TTC1: variants seen among roughly 807,000 people sequenced by gnomAD.
The protein encoded by TTC1 is tetratricopeptide repeat domain 1, also known as tetratricopeptide repeat protein 1.
A neutral mutation model predicts 37.6 loss-of-function variants in TTC1; 31 were observed. That is an observed-to-expected ratio of 0.82 (90% CI 0.62 to 1.11). The LOEUF (loss-of-function observed/expected upper bound fraction) is 1.11. Ranked by LOEUF, TTC1 falls within the 50% of genes most tolerant of loss-of-function variation. The pLI is 0.00. For synonymous variants in TTC1, 127 were observed against 122.4 expected, an observed-to-expected ratio of 1.04 and a Z score of -0.25; for missense variants, 351 against 339.0, an observed-to-expected ratio of 1.04 and a Z score of -0.28.
chr5:160,024,512 A>T (rs1180865330), intron 2 of TTC1, among the ~76,000 whole-genome samples: 3 of 152,032 alleles, frequency 2.0e-5, no homozygotes, highest in Non-Finnish European at 4.4e-5. Flanking sequence ...CAGTTCCTTT[A>T]TCTTTTTTAA....
intron 2 of TTC1, among the ~76,000 whole-genome samples, chr5:160,021,124 C>G (rs959886566): frequency 3.3e-5 from 4 of 121,836 alleles, no homozygotes; most frequent in African/African-American, 1.3e-4. Context: ...TTTATTGTGT[C>G]TAAGCATCAC....
chr5:160,035,889 G>T (rs1350785607), intron 3 of TTC1, among the ~76,000 whole-genome samples: 1 of 150,226 alleles, frequency 6.7e-6, no homozygotes, highest in Non-Finnish European at 1.5e-5. Flanking sequence ...TTATTTTCAG[G>T]TTTTTAATTT....
intron 2 of TTC1, among the ~76,000 whole-genome samples, chr5:160,034,636 T>G (rs1037970199): frequency 2.6e-5 from 4 of 152,198 alleles, no homozygotes; most frequent in Admixed American, 6.5e-5. Context: ...TATGGGCAGC[T>G]TTATGTATAT....
chr5:160,064,727 A>T (rs908840362), intron 7 of TTC1, among the ~76,000 whole-genome samples: 1 of 152,196 alleles, frequency 6.6e-6, no homozygotes, highest in Non-Finnish European at 1.5e-5. Context: ...CTGAGGGTGG[A>T]TGGCATTAAA....
At chr5:160,064,895 T>C in intron 7 of TTC1, 37 bp from the exon 8 acceptor site, 3 of 1,597,632 alleles carry the variant, frequency 1.9e-6, no homozygotes, top group Non-Finnish European at 2.6e-6. Flanking sequence ...TTCTGTTCAT[T>C]CCTGTATTCA....
At chr5:160,047,481 ATCT>A (rs1354745511) in intron 5 of TTC1, among the ~76,000 whole-genome samples, 1 of 152,134 alleles carries the variant, frequency 6.6e-6, no homozygotes, top group Non-Finnish European at 1.5e-5. Flanking sequence ...CCAAGCCAAC[ATCT>A]TCTCTCATCT....
chr5:160,019,408 C>G (rs1458691107), intron 2 of TTC1, among the ~76,000 whole-genome samples: 1 of 152,076 alleles, frequency 6.6e-6, no homozygotes. Flanking sequence ...TTCTGCCACC[C>G]TATTGCACCA....
At chr5:160,032,363 ATT>A (rs1337776039) in intron 2 of TTC1, among the ~76,000 whole-genome samples, 1 of 152,208 alleles carries the variant, frequency 6.6e-6, no homozygotes, top group Non-Finnish European at 1.5e-5. Flanking sequence ...TCTCTAAAGA[ATT>A]TGTTTCTTAA....
chr5:160,026,569 C>T (rs1044698818), intron 2 of TTC1, among the ~76,000 whole-genome samples: 1 of 152,030 alleles, frequency 6.6e-6, no homozygotes, highest in East Asian at 1.9e-4. Context: ...CTTTTTTGGT[C>T]TCCAGTAATG....
At position 160,065,193 on chromosome 5, in the gene TTC1, C is replaced by A; in HGVS notation, c.*128C>A. 8.0e-7 allele frequency: 1 copy of A among 1,245,112 alleles called. No homozygotes were observed. Among genetic ancestry groups the A allele is most frequent in the Non-Finnish European group, 1.1e-6 (1 of 882,960 alleles). 77.1% of individuals were successfully genotyped at this position (1,245,112 alleles called of 1,614,324 possible). ...CTAAAAGAAAGGCTATCCAGTAGAG[C>A]CCAGTGCTCCCTTGTCCCTCTTTTA... On this transcript the variant is annotated 3_prime_UTR_variant, in exon 8 of 8. Transcript: ENST00000231238.
At chr5:160,009,602 A>G (rs1470478847) in intron 1 of TTC1, among the ~76,000 whole-genome samples, 2 of 152,060 alleles carry the variant, frequency 1.3e-5, no homozygotes, top group African/African-American at 2.4e-5. Context: ...GAAAACATAA[A>G]TAAATAAATA....
chr5:160,058,519 T>C (rs1757607671), intron 7 of TTC1, among the ~76,000 whole-genome samples: 1 of 151,268 alleles, frequency 6.6e-6, no homozygotes, highest in Non-Finnish European at 1.5e-5. Context: ...CACGCCATTC[T>C]CCTGCCTCAG....
intron 7 of TTC1, among the ~76,000 whole-genome samples, chr5:160,053,800 A>G (rs1046272612): frequency 6.6e-6 from 1 of 152,176 alleles, no homozygotes; most frequent in Admixed American, 6.6e-5. Context: ...GTATTCTTTA[A>G]CTTGTTTTTT....
intron 7 of TTC1, among the ~76,000 whole-genome samples, chr5:160,064,352 G>T (rs1753534566): frequency 6.6e-6 from 1 of 152,208 alleles, no homozygotes; most frequent in Non-Finnish European, 1.5e-5. Context: ...TGAGGTTGCT[G>T]TGCAAATCAA....
chr5:160,047,780 G>A (rs1757290562), intron 5 of TTC1, among the ~76,000 whole-genome samples: 1 of 152,130 alleles, frequency 6.6e-6, no homozygotes, highest in African/African-American at 2.4e-5. Flanking sequence ...CTCCTCCTTA[G>A]CCTTTCACAT....
chr5:160,030,055 A>G (rs370176420), intron 2 of TTC1, among the ~76,000 whole-genome samples: 7 of 152,180 alleles, frequency 4.6e-5, no homozygotes, highest in African/African-American at 1.7e-4. Flanking sequence ...TTGTGTTTAT[A>G]ATTTAAAACA....
At chr5:160,015,312 C>T (rs1282807384) in intron 2 of TTC1, among the ~76,000 whole-genome samples, 2 of 152,120 alleles carry the variant, frequency 1.3e-5, no homozygotes, top group Non-Finnish European at 2.9e-5. Flanking sequence ...TGGGCTCAAG[C>T]AATCCTCCTA....
intron 2 of TTC1, 53 bp from the exon 3 acceptor site, chr5:160,035,087 G>A: frequency 6.8e-7 from 1 of 1,476,708 alleles, no homozygotes; most frequent in Non-Finnish European, 9.1e-7. Flanking sequence ...TCACCTTTTT[G>A]TTCACTTATA....
chr5:160,035,502 T>C (rs1404461586), intron 3 of TTC1, among the ~76,000 whole-genome samples: 1 of 152,236 alleles, frequency 6.6e-6, no homozygotes, highest in Admixed American at 6.5e-5. Context: ...ACCTGGAATA[T>C]TAAAGGTTAT....
Sources: allele counts gnomAD v4.1 joint callset (sites outside exome capture counted in the v4.1 genomes callset), GRCh38; gene constraint gnomAD v4.1.1; transcripts MANE v1.5; gene names NCBI Gene and HGNC (gene_info 2026-07-23, HGNC 2026-07-21).